Variants in RSPH14 observed in about 807,000 individuals in gnomAD.
RSPH14 encodes rhabdoid tumor deletion region gene 1.
RSPH14 carries 20 observed loss-of-function variants against 26.7 expected under a neutral mutation model. That is an observed-to-expected ratio of 0.75 (90% CI 0.53 to 1.09). The LOEUF (loss-of-function observed/expected upper bound fraction) is 1.09. Ranked by LOEUF, RSPH14 falls within the 50% of genes least tolerant of loss-of-function variation. The pLI is 0.00. For missense variants in RSPH14, 449 were observed against 457.2 expected (o/e 0.98, Z 0.16); for synonymous variants, 177 against 189.3 (o/e 0.93, Z 0.53).
chr22:23,137,987 CTA>C (rs1379964656), intron 3 of RSPH14: 1 of 152,338 alleles, frequency 6.6e-6, no homozygotes, highest in Non-Finnish European at 1.5e-5. Flanking sequence ...CTAAAATACT[CTA>C]TAAAATTTTT....
chr22:23,167,862 A>T, the RSPH14 span, among the ~76,000 whole-genome samples: 2 of 151,074 alleles, frequency 1.3e-5, no homozygotes, highest in East Asian at 3.9e-4. Context: ...ACTAATTCTC[A>T]TTTTTTTTGA....
chr22:23,093,120 A>G (rs747664562), intron 4 of RSPH14, among the ~76,000 whole-genome samples: 4 of 152,336 alleles, frequency 2.6e-5, no homozygotes, highest in African/African-American at 4.8e-5. Context: ...TATCATGTAC[A>G]TGTCATCTTT....
chr22:23,144,689 TAAAA>T (rs56369606), upstream of RSPH14, among the ~76,000 whole-genome samples: 2 of 136,868 alleles, frequency 1.5e-5, no homozygotes, highest in Non-Finnish European at 3.2e-5. Context: ...TCCATCTCTT[TAAAA>T]AAAAAAAAAA....
chr22:23,120,129 G>C (rs1052475264), intron 4 of RSPH14, among the ~76,000 whole-genome samples: 1 of 152,196 alleles, frequency 6.6e-6, no homozygotes, highest in African/African-American at 2.4e-5. Flanking sequence ...CAGCTGCCTT[G>C]TGAGATAAGT....
At chr22:23,175,763 T>C in the RSPH14 span, among the ~76,000 whole-genome samples, 1 of 152,160 alleles carries the variant, frequency 6.6e-6, no homozygotes, top group African/African-American at 2.4e-5. Context: ...TCAGGGCCCA[T>C]CCAGCCTCCA....
Position 23,110,018 on chromosome 22 carries a change from G to A in RSPH14, c.421+24008C>T, listed in dbSNP as rs2069601319. Among the ~76,000 whole-genome samples the A allele has an allele frequency of 2.0e-5, 3 of 152,208 alleles. No individual in the cohort carries two copies. In the South Asian group the frequency reaches 6.2e-4, roughly 31 times the overall value. ...ATCTGTCAAGGTAGCATTGAGGTTTGCGGGAGGAAGAGGGAAGCACTAACC... is the reference window on the plus strand; with the variant it reads ...ATCTGTCAAGGTAGCATTGAGGTTTACGGGAGGAAGAGGGAAGCACTAACC... On this transcript the variant is annotated intron_variant, in intron 4 of 6. Coordinates refer to ENST00000216036, the MANE Select transcript of RSPH14 (RefSeq NM_014433.3).
At chr22:23,105,769 G>A (rs1482379508) in intron 4 of RSPH14, among the ~76,000 whole-genome samples, 1 of 152,218 alleles carries the variant, frequency 6.6e-6, no homozygotes, top group Non-Finnish European at 1.5e-5. Flanking sequence ...GACACTGGCT[G>A]GTGGGGAGCA....
At chr22:23,180,169 C>A in the RSPH14 span, 1 of 234,982 alleles carries the variant, frequency 4.3e-6, no homozygotes, top group Non-Finnish European at 8.4e-6. Flanking sequence ...CTGGACTGGC[C>A]GGAGAAGTCC....
At chr22:23,136,218 C>A in intron 3 of RSPH14, 1 of 709,798 alleles carries the variant, frequency 1.4e-6, no homozygotes, top group South Asian at 1.5e-5. Context: ...AACAGGCTGC[C>A]AGGAAGCTCT....
At chr22:23,068,899 C>A (rs1246342679) in intron 4 of RSPH14, among the ~76,000 whole-genome samples, 1 of 152,186 alleles carries the variant, frequency 6.6e-6, no homozygotes. Flanking sequence ...GGAAGGCAAG[C>A]ACAAAGGGTA....
the RSPH14 span, among the ~76,000 whole-genome samples, chr22:23,155,487 T>C: frequency 0.8 from 121,122 of 152,150 alleles, 48,490 homozygotes; most frequent in East Asian, 0.99. Flanking sequence ...TATCTCCAAC[T>C]CCTACTTTGG....
At chr22:23,089,040 A>T (rs1311557994) in intron 4 of RSPH14, among the ~76,000 whole-genome samples, 1 of 151,848 alleles carries the variant, frequency 6.6e-6, no homozygotes, top group African/African-American at 2.4e-5. Context: ...GTCTTGGCTC[A>T]CTCTTTCCGT....
intron 4 of RSPH14, among the ~76,000 whole-genome samples, chr22:23,105,375 T>C (rs1224832873): frequency 1.3e-5 from 2 of 152,246 alleles, no homozygotes; most frequent in African/African-American, 4.8e-5. Context: ...ACCATCTTTT[T>C]GGCCATAGGC....
At chr22:23,128,015 C>G (rs562773297) in intron 4 of RSPH14, among the ~76,000 whole-genome samples, 69 of 152,208 alleles carry the variant, frequency 4.5e-4, no homozygotes, top group Non-Finnish European at 8.5e-4. Flanking sequence ...CAGAACAGGC[C>G]CCATCATGCT....
intron 3 of RSPH14, among the ~76,000 whole-genome samples, chr22:23,135,364 C>A (rs914103798): frequency 1.4e-5 from 2 of 148,084 alleles, no homozygotes; most frequent in Non-Finnish European, 3.0e-5. Context: ...TGGTGGCGGG[C>A]GCCTGTAGTC....
chr22:23,123,469 C>T (rs758530850), intron 4 of RSPH14: 3 of 1,405,586 alleles, frequency 2.1e-6, no homozygotes, highest in Middle Eastern at 1.9e-4. Context: ...ATGGTGAAAC[C>T]CACGGGGTGT....
At chr22:23,089,673 G>A (rs1187511249) in intron 4 of RSPH14, among the ~76,000 whole-genome samples, 1 of 152,196 alleles carries the variant, frequency 6.6e-6, no homozygotes, top group Non-Finnish European at 1.5e-5. Flanking sequence ...GGCCGGGCCT[G>A]CTGGACGGTG....
chr22:23,135,500 A>G (rs1028124248), intron 3 of RSPH14, among the ~76,000 whole-genome samples: 1 of 150,298 alleles, frequency 6.7e-6, no homozygotes, highest in Non-Finnish European at 1.5e-5. Context: ...TCAAATAAGT[A>G]AATAAATAAA....
chr22:23,136,066 A>G (rs1169965274), intron 3 of RSPH14: 20 of 423,708 alleles, frequency 4.7e-5, no homozygotes, highest in African/African-American at 8.2e-5. Context: ...TCACCGTTGG[A>G]CACACAAGTT....
Sources: gnomAD v4.1 joint callset for allele counts (sites outside exome capture counted in the v4.1 genomes callset) on GRCh38, gnomAD v4.1.1 for gene constraint, MANE v1.5 for transcripts, NCBI Gene and HGNC (gene_info 2026-07-23, HGNC 2026-07-21) for gene names.